The following FOXN3 variants were observed in gnomAD, a reference collection of about 807,000 sequenced individuals.
The protein encoded by FOXN3 is forkhead box N3.
Under a neutral mutation model 38.4 loss-of-function variants are expected in FOXN3, and 7 were observed. The observed-to-expected ratio is 0.18, with a 90% CI of 0.10 to 0.34. The LOEUF (loss-of-function observed/expected upper bound fraction) is 0.34, where lower values mean the gene tolerates loss of function less well. FOXN3 is among the 10% of genes least tolerant of loss of function. The pLI, the probability that FOXN3 is intolerant of heterozygous loss-of-function variation, is 1.00. For missense variants in FOXN3, 456 were observed against 613.4 expected, an observed-to-expected ratio of 0.74 and a Z score of 2.71; for synonymous variants, 230 against 242.2, an observed-to-expected ratio of 0.95 and a Z score of 0.47.
At chr14:89,421,698 T>G (rs1891914450), upstream of FOXN3, among the ~76,000 whole-genome samples, 2 of 151,198 alleles carry the variant, frequency 1.3e-5, no homozygotes. Context: ...GGCTAATTTT[T>G]GTATTTTTTT....
At position 89,548,760 on chromosome 14, in the gene FOXN3, C is replaced by T. The variant is rs1279822081; in HGVS notation, c.-15+70268G>A. Among the ~76,000 whole-genome samples, 1 of 152,094 alleles carries T rather than the reference C, an allele frequency of 6.6e-6. No homozygotes were observed. Among genetic ancestry groups the T allele is most frequent in the Admixed American group, 6.5e-5 (1 of 15,268 alleles). On this transcript the variant is annotated intron_variant, in intron 1 of 6. Transcript: ENST00000345097. The surrounding 1 kb of genome is among the most constrained non-coding windows in gnomAD (Gnocchi z 4.8). ...TAACACAATTGTTTTCAAATACCTG[C>T]TCACAGCCAATACTGGTCAGTGACA...
intron 2 of FOXN3, among the ~76,000 whole-genome samples, chr14:89,380,521 GA>G (rs2140066190): frequency 6.6e-6 from 1 of 152,300 alleles, no homozygotes; most frequent in East Asian, 1.9e-4. Flanking sequence ...GCACAACTCA[GA>G]AAGACCTCCA....
intron 4 of FOXN3, among the ~76,000 whole-genome samples, chr14:89,216,050 G>C (rs1315892263): frequency 1.3e-5 from 2 of 152,124 alleles, no homozygotes; most frequent in Non-Finnish European, 2.9e-5. Flanking sequence ...TTGTGCCCAG[G>C]AGCAAAGAGT....
intron 1 of FOXN3, among the ~76,000 whole-genome samples, chr14:89,531,175 G>A (rs1894559856): frequency 1.3e-5 from 2 of 150,230 alleles, no homozygotes; most frequent in East Asian, 1.9e-4. Context: ...GTGTATAAAT[G>A]TATATGTATG....
chr14:89,569,000 C>T (rs906109523), intron 1 of FOXN3, among the ~76,000 whole-genome samples: 37 of 152,278 alleles, frequency 2.4e-4, no homozygotes, highest in African/African-American at 7.0e-4. Context: ...GTCAGGAGAT[C>T]GAGACCAACC....
chr14:89,481,134 A>T, intron 1 of FOXN3, among the ~76,000 whole-genome samples: 1 of 148,414 alleles, frequency 6.7e-6, no homozygotes, highest in African/African-American at 2.5e-5. Flanking sequence ...AACTCCCTGC[A>T]CTCAGTTTCT....
chr14:89,619,094 G>A (rs1378599559), exon 1 of FOXN3: 1 of 152,066 alleles, frequency 6.6e-6, no homozygotes, highest in Admixed American at 6.6e-5. Flanking sequence ...CGCTGGACTC[G>A]CGGGTGGCCC....
intron 1 of FOXN3, among the ~76,000 whole-genome samples, chr14:89,573,361 C>A (rs1249085568): frequency 6.6e-6 from 1 of 152,162 alleles, no homozygotes; most frequent in African/African-American, 2.4e-5. Context: ...CATATATCAT[C>A]AAGTCTCATA....
In FOXN3 at chr14:89,195,541, G is replaced by A. The variant is rs150089319; in HGVS notation, c.746-14735C>T. On this transcript the variant is annotated intron_variant, in intron 4 of 5. Transcript: ENST00000557258. The stretch of plus-strand genomic sequence containing the variant: ...GAACTGGGTAGCTGTTTGGTGGACA[G>A]CGGGGGCTTCTGCTTCAGAGGCATA... Among the ~76,000 whole-genome samples, 1,376 of 152,338 alleles carry A rather than the reference G, an allele frequency of 9.0e-3. 12 individuals carry two copies. The highest frequency in any genetic ancestry group is 0.052 in the South Asian group (250 of 4,828).
At chr14:89,413,482 A>C (rs997374899) in intron 1 of FOXN3, among the ~76,000 whole-genome samples, 1 of 151,758 alleles carries the variant, frequency 6.6e-6, no homozygotes, top group Non-Finnish European at 1.5e-5. Flanking sequence ...AAAAATACAA[A>C]AATTAGCCGG....
In FOXN3 at chr14:89,411,949, G is replaced by T. The variant is rs753690270; in HGVS notation, c.528C>A (p.Asp176Glu). The change falls in exon 2 of 6, where the codon GAC (aspartate) becomes GAA (glutamate). Residue 176 changes from aspartate to glutamate, a missense_variant. Coordinates refer to ENST00000557258, the MANE Select transcript of FOXN3 (RefSeq NM_005197.4). ...LSLNKCFKKV[D>E]KERSQSIGKG... is the part of the protein sequence containing the mutation. ...AGAGGCTTACCTGACTCCTCTCTTTGTCCACTTTCTTAAAACACTTATTCA... is the reference window on the plus strand; with the variant it reads ...AGAGGCTTACCTGACTCCTCTCTTTTTCCACTTTCTTAAAACACTTATTCA... 4 of 1,507,952 alleles carry T rather than the reference G, an allele frequency of 2.7e-6. No homozygotes were observed. In the Admixed American group the frequency reaches 8.2e-5, roughly 31 times the overall value. The allele number at this position is 1,507,952 out of a possible 1,614,324, so 93.4% of individuals were successfully genotyped here. A position where few individuals can be genotyped will look rare whatever the true frequency, so the allele number is the denominator to read the frequency against.
At chr14:89,414,084 G>A (rs1176332457) in intron 1 of FOXN3, among the ~76,000 whole-genome samples, 1 of 152,018 alleles carries the variant, frequency 6.6e-6, no homozygotes, top group Admixed American at 6.6e-5. Flanking sequence ...GGAGTCTGAG[G>A]CAGGAGGATC....
At chr14:89,437,103 CGG>C (rs1011949887) in intron 1 of FOXN3, among the ~76,000 whole-genome samples, 1 of 151,686 alleles carries the variant, frequency 6.6e-6, no homozygotes, top group African/African-American at 2.4e-5. Context: ...CAATTGAACA[CGG>C]AAGGTTGCAG....
At chr14:89,583,705 G>A (rs769953312) in intron 1 of FOXN3, among the ~76,000 whole-genome samples, 11 of 151,908 alleles carry the variant, frequency 7.2e-5, no homozygotes, top group East Asian at 1.9e-4. Flanking sequence ...GATTACAGGC[G>A]TGTGCCACCA....
At chr14:89,187,720 C>G (rs777823419) in intron 4 of FOXN3, among the ~76,000 whole-genome samples, 1 of 152,180 alleles carries the variant, frequency 6.6e-6, no homozygotes, top group Non-Finnish European at 1.5e-5. Flanking sequence ...CCAGAAAGAG[C>G]TAACCACAAG....
intron 1 of FOXN3, among the ~76,000 whole-genome samples, chr14:89,528,408 T>G (rs867422945): frequency 0.03 from 2,985 of 99,024 alleles, 148 homozygotes; most frequent in African/African-American, 0.092. Flanking sequence ...TTTTTTTTTT[T>G]TGAAAAAGAA....
rs191610425 is a variant in FOXN3 at position 89,296,066 on chromosome 14, T to C, written c.681-15052A>G. ...ATAGTAAGTAATAGATTAGGTAATT[T>C]GGATTCCTCTTTTCTGTGATTTCTT... On this transcript the variant is annotated intron_variant, in intron 3 of 5. Coordinates refer to ENST00000557258, the MANE Select transcript of FOXN3 (RefSeq NM_005197.4). Among the ~76,000 whole-genome samples, 23 of 152,314 alleles carry C rather than the reference T, an allele frequency of 1.5e-4. No homozygotes were observed. In the East Asian group the frequency reaches 2.7e-3, roughly 18 times the overall value.
intron 2 of FOXN3, among the ~76,000 whole-genome samples, chr14:89,395,086 A>C (rs766592994): frequency 1.3e-5 from 2 of 152,226 alleles, no homozygotes; most frequent in Non-Finnish European, 2.9e-5. Flanking sequence ...GTAAGCTGCC[A>C]CATCTAGCTC....
At chr14:89,202,483 G>C (rs909609556) in intron 4 of FOXN3, among the ~76,000 whole-genome samples, 3 of 152,148 alleles carry the variant, frequency 2.0e-5, no homozygotes, top group African/African-American at 7.2e-5. Context: ...CATCTGGAAG[G>C]GGATTTGTAA....
Sources: allele counts gnomAD v4.1 joint callset (sites outside exome capture counted in the v4.1 genomes callset), GRCh38; gene constraint gnomAD v4.1.1; non-coding constraint Gnocchi (gnomAD v3.1); transcripts MANE v1.5; gene names NCBI Gene and HGNC (gene_info 2026-07-23, HGNC 2026-07-21).